The following FCHSD2 variants were observed in gnomAD, a reference collection of about 807,000 sequenced individuals.
FCHSD2 encodes FCH and double SH3 domains 2.
Under a neutral mutation model 108.1 loss-of-function variants are expected in FCHSD2, and 38 were observed. The ratio of observed to expected loss-of-function variants is 0.35; its 90% CI spans 0.27 to 0.46. The LOEUF (loss-of-function observed/expected upper bound fraction) is 0.46. Among genes scored for constraint, FCHSD2 ranks in the 20% least tolerant of loss-of-function variants. The pLI is 1.00. For synonymous variants in FCHSD2, 279 were observed against 314.7 expected (o/e 0.89, Z 1.20); for missense variants, 751 against 897.8 (o/e 0.84, Z 2.09).
intron 13 of FCHSD2, among the ~76,000 whole-genome samples, chr11:72,861,637 T>C (rs773266315): frequency 5.3e-5 from 8 of 152,032 alleles, no homozygotes; most frequent in African/African-American, 1.9e-4. Context: ...AATCAATATA[T>C]AGAAAGGATA....
chr11:72,921,777 C>T (rs1229845729), intron 9 of FCHSD2, 51 bp downstream of exon 9: 4 of 1,510,388 alleles, frequency 2.6e-6, no homozygotes, highest in African/African-American at 2.7e-5. Flanking sequence ...TGCAGAAATA[C>T]TTTAGCTTCT....
At chr11:72,983,762 T>C (rs2135398784) in intron 8 of FCHSD2, 1 of 459,918 alleles carries the variant, frequency 2.2e-6, no homozygotes, top group Non-Finnish European at 4.3e-6. Flanking sequence ...AGCTCAGAAG[T>C]AGTTTCCCAG....
chr11:72,871,984 T>C (rs1415830189), intron 12 of FCHSD2, among the ~76,000 whole-genome samples: 1 of 152,120 alleles, frequency 6.6e-6, no homozygotes, highest in Non-Finnish European at 1.5e-5. Flanking sequence ...GGGCTTTCTT[T>C]GCTGAATTAA....
chr11:72,958,854 A>C (rs770500720), intron 8 of FCHSD2, among the ~76,000 whole-genome samples: 2 of 152,218 alleles, frequency 1.3e-5, no homozygotes, highest in Non-Finnish European at 2.9e-5. Context: ...CTCTTGTTTC[A>C]TAAAAGGACA....
At chr11:73,118,190 G>A (rs1175525973) in intron 2 of FCHSD2, among the ~76,000 whole-genome samples, 1 of 152,068 alleles carries the variant, frequency 6.6e-6, no homozygotes, top group South Asian at 2.1e-4. Context: ...ATGGTGGCAG[G>A]TGCATATAAT....
At chr11:73,023,488 C>T (rs1858155417) in intron 3 of FCHSD2, among the ~76,000 whole-genome samples, 1 of 152,124 alleles carries the variant, frequency 6.6e-6, no homozygotes, top group South Asian at 2.1e-4. Context: ...TAATGTGGTA[C>T]CACTACACAT....
At chr11:72,959,853 G>GGTGTGTGT (rs58451717) in intron 8 of FCHSD2, among the ~76,000 whole-genome samples, 23,110 of 145,684 alleles carry the variant, frequency 0.16, 2,238 homozygotes, top group East Asian at 0.31. Context: ...AAGTTTCTAG[G>GGTGTGTGT]GTGTGTGTGT....
intron 3 of FCHSD2, among the ~76,000 whole-genome samples, chr11:73,022,880 T>C (rs143824289): frequency 6.6e-6 from 1 of 152,174 alleles, no homozygotes; most frequent in Non-Finnish European, 1.5e-5. Flanking sequence ...ATCCCAGAAA[T>C]AGACCCATAC....
At chr11:73,124,684 G>T (rs1403554133) in intron 2 of FCHSD2, among the ~76,000 whole-genome samples, 2 of 151,888 alleles carry the variant, frequency 1.3e-5, no homozygotes, top group South Asian at 4.2e-4. Flanking sequence ...TGAACCAAGG[G>T]GGCGGAGGTT....
Position 72,867,976 on chromosome 11 carries a change from AC to A in FCHSD2, c.1196del (p.Gly399ValfsTer8). ...TCTTTAGCCATGTGTCCACAGAAAC[AC>A]CAATCTGCTTTAGCAGGTCCAACCG... The part of the protein sequence containing the change: ...EARLDLLKQI[G>X]VSVDTWLKSA... On this transcript the variant is annotated frameshift_variant, in exon 13 of 20. Coordinates refer to ENST00000409418, the MANE Select transcript of FCHSD2 (RefSeq NM_014824.3). LOFTEE classifies it high-confidence loss of function. 1 of 1,585,124 alleles carries A rather than the reference AC, an allele frequency of 6.3e-7. No homozygotes were observed. Among genetic ancestry groups the A allele is most frequent in the Non-Finnish European group, 8.6e-7 (1 of 1,165,038 alleles).
At chr11:72,904,029 C>T (rs1438237051) in intron 9 of FCHSD2, among the ~76,000 whole-genome samples, 1 of 152,110 alleles carries the variant, frequency 6.6e-6, no homozygotes, top group African/African-American at 2.4e-5. Context: ...GGGAACTGGG[C>T]GAACCAAACA....
chr11:73,119,417 TA>T (rs1449475590), intron 2 of FCHSD2, among the ~76,000 whole-genome samples: 1 of 152,228 alleles, frequency 6.6e-6, no homozygotes, highest in Non-Finnish European at 1.5e-5. Context: ...TTTATGTGCT[TA>T]ATATATCCAC....
chr11:72,851,758 T>C (rs1441902999), intron 13 of FCHSD2, among the ~76,000 whole-genome samples: 3 of 149,172 alleles, frequency 2.0e-5, no homozygotes, highest in African/African-American at 4.9e-5. Context: ...AAACAAAAAA[T>C]AGAAAACAAA....
chr11:72,918,809 T>G (rs79745265), intron 9 of FCHSD2, among the ~76,000 whole-genome samples: 7,032 of 152,254 alleles, frequency 0.046, 231 homozygotes, highest in Non-Finnish European at 0.069. Context: ...CATTTCCTTA[T>G]GGAGACAAAA....
At chr11:73,004,191 A>G (rs1857690518) in intron 4 of FCHSD2, among the ~76,000 whole-genome samples, 1 of 151,178 alleles carries the variant, frequency 6.6e-6, no homozygotes, top group Admixed American at 6.6e-5. Context: ...GGTAAGTACT[A>G]CGTTATGTAT....
At chr11:72,947,031 A>G (rs1406310974) in intron 8 of FCHSD2, among the ~76,000 whole-genome samples, 1 of 152,164 alleles carries the variant, frequency 6.6e-6, no homozygotes, top group African/African-American at 2.4e-5. Context: ...CTGCTTTCCC[A>G]GGCCCCAGGT....
intron 18 of FCHSD2, among the ~76,000 whole-genome samples, 185 bp from the exon 19 acceptor site, chr11:72,841,144 G>C (rs1406230395): frequency 1.3e-5 from 2 of 151,940 alleles, no homozygotes; most frequent in Non-Finnish European, 2.9e-5. Flanking sequence ...CTCCAGCCTG[G>C]GTGACAGAAT....
At chr11:73,010,095 T>C (rs942879559) in intron 4 of FCHSD2, among the ~76,000 whole-genome samples, 22 of 152,236 alleles carry the variant, frequency 1.4e-4, no homozygotes, top group African/African-American at 5.3e-4. Flanking sequence ...TAATTCTTTC[T>C]TATTTTTCTT....
At chr11:72,952,216 A>C (rs1856632977) in intron 8 of FCHSD2, among the ~76,000 whole-genome samples, 1 of 152,102 alleles carries the variant, frequency 6.6e-6, no homozygotes, top group Non-Finnish European at 1.5e-5. Context: ...TACCAGAAAG[A>C]TATATATGGC....
Sources: allele counts gnomAD v4.1 joint callset (sites outside exome capture counted in the v4.1 genomes callset), GRCh38; gene constraint gnomAD v4.1.1; transcripts MANE v1.5; gene names NCBI Gene and HGNC (gene_info 2026-07-23, HGNC 2026-07-21).